PROM1: variants seen among roughly 807,000 people sequenced by gnomAD.
PROM1 encodes the protein prominin 1.
PROM1 carries 105 observed loss-of-function variants against 116.9 expected under a neutral mutation model. That is an observed-to-expected ratio of 0.90 (90% CI 0.77 to 1.06). PROM1 has a LOEUF of 1.06. PROM1 is among the 50% of genes least tolerant of loss of function. The pLI is 0.00. For synonymous variants in PROM1, 393 were observed against 387.0 expected, an observed-to-expected ratio of 1.02 and a Z score of -0.18; for missense variants, 1,122 against 1,045.2, an observed-to-expected ratio of 1.07 and a Z score of -1.01.
chr4:16,078,971 C>T (rs1001700817), intron 1 of PROM1, among the ~76,000 whole-genome samples: 7 of 152,300 alleles, frequency 4.6e-5, no homozygotes, highest in South Asian at 2.1e-4. Flanking sequence ...CTCAGGCCCA[C>T]GCTTCAGGTT....
intron 6 of PROM1, 98 bp from the exon 7 acceptor site, chr4:16,024,456 G>A (rs1730724794): frequency 2.1e-6 from 2 of 974,050 alleles, no homozygotes; most frequent in Admixed American, 3.0e-5. Flanking sequence ...CCTGAATCAG[G>A]ACATTTTCAG....
intron 2 of PROM1, among the ~76,000 whole-genome samples, chr4:16,052,917 G>C (rs1289675973): frequency 1.3e-5 from 2 of 152,206 alleles, no homozygotes; most frequent in African/African-American, 4.8e-5. Context: ...CCAGTAATGA[G>C]ACAAATTGAC....
chr4:16,043,390 C>T (rs1735782959), intron 2 of PROM1, among the ~76,000 whole-genome samples: 2 of 152,226 alleles, frequency 1.3e-5, no homozygotes, highest in African/African-American at 4.8e-5. Flanking sequence ...GCCATCATAG[C>T]TCACTGCAGC....
At chr4:16,013,924 A>G (rs891992138) in intron 10 of PROM1, among the ~76,000 whole-genome samples, 1 of 137,854 alleles carries the variant, frequency 7.3e-6, no homozygotes, top group Non-Finnish European at 1.5e-5. Context: ...ATTAAAAATA[A>G]AATTAGAAAT....
intron 23 of PROM1, among the ~76,000 whole-genome samples, chr4:15,982,744 A>G (rs1718291562): frequency 6.6e-6 from 1 of 152,154 alleles, no homozygotes; most frequent in Non-Finnish European, 1.5e-5. Flanking sequence ...GGACTCCCCT[A>G]ATGAAGGCTT....
At position 16,058,039 on chromosome 4, in the gene PROM1, A is replaced by G. The variant is rs149749754; in HGVS notation, c.220+17648T>C. 8.8e-3 allele frequency among the ~76,000 whole-genome samples: 1,337 copies of G among 152,334 alleles called. 8 individuals carry two copies. The highest frequency in any genetic ancestry group is 0.014 in the Non-Finnish European group (968 of 68,030). ...GTCCAGGCCAATTGTTCAGGAAAAA[A>G]AGACTAGAAAGAAGGTTTTTTTCCA... On this transcript the variant is annotated intron_variant, in intron 2 of 27. Transcript: ENST00000447510.
intron 10 of PROM1, among the ~76,000 whole-genome samples, chr4:16,014,486 A>C (rs1727778839): frequency 6.6e-6 from 1 of 152,230 alleles, no homozygotes; most frequent in Non-Finnish European, 1.5e-5. Context: ...AATTTGGAAT[A>C]ACTTGTTTAA....
intron 26 of PROM1, among the ~76,000 whole-genome samples, chr4:15,973,393 G>A (rs1715164654): frequency 6.6e-6 from 1 of 152,178 alleles, no homozygotes; most frequent in African/African-American, 2.4e-5. Context: ...GTTGCAGTGA[G>A]CTGAGATCAC....
rs567970512 is a variant in PROM1, at chr4:16,066,060, A to G, written c.220+9627T>C. Among the ~76,000 whole-genome samples the G allele has an allele frequency of 9.9e-5, 15 of 152,260 alleles. No homozygotes were observed. In the East Asian group the frequency reaches 2.9e-3, roughly 29 times the overall value. ...CCATCAGAAGCTAGAAGAGGCAAGG[A>G]AGATTGTCCTCCAGAGCCTTCAGAT... On this transcript the variant is annotated intron_variant, in intron 2 of 27. Coordinates refer to ENST00000447510, the MANE Select transcript of PROM1 (RefSeq NM_006017.3).
In PROM1 at chr4:16,056,182, A is replaced by G. The variant is rs540369101; in HGVS notation, c.221-17181T>C. Among the ~76,000 whole-genome samples the G allele has an allele frequency of 3.9e-5, 6 of 152,254 alleles. No homozygotes were observed. In the East Asian group the frequency reaches 1.2e-3, roughly 29 times the overall value. On this transcript the variant is annotated intron_variant, in intron 2 of 27. Transcript: ENST00000447510. ...AGAGAGTCCAGCTGGCACAGTCGCA[A>G]TTGTTTCTAGGAGCAGTCGGCCGCT... is the stretch of plus-strand genomic sequence containing the variant.
intron 5 of PROM1, among the ~76,000 whole-genome samples, 154 bp from the exon 6 acceptor site, chr4:16,025,466 G>A (rs541672947): frequency 2.6e-5 from 4 of 152,130 alleles, no homozygotes; most frequent in Admixed American, 1.3e-4. Context: ...CCTTCCCACC[G>A]CCATCCCACA....
intron 2 of PROM1, among the ~76,000 whole-genome samples, chr4:16,068,876 C>T (rs535674717): frequency 3.9e-5 from 6 of 152,124 alleles, no homozygotes; most frequent in East Asian, 1.9e-4. Context: ...CCAAATCCCA[C>T]GAGCAAATCA....
intron 7 of PROM1, among the ~76,000 whole-genome samples, chr4:16,023,708 C>G (rs1188968569): frequency 6.6e-6 from 1 of 152,164 alleles, no homozygotes; most frequent in Non-Finnish European, 1.5e-5. Context: ...GAGTTCGCAC[C>G]TGGACTGCAC....
At chr4:15,975,639 G>A (rs1715914687) in intron 26 of PROM1, among the ~76,000 whole-genome samples, 2 of 152,164 alleles carry the variant, frequency 1.3e-5, no homozygotes, top group African/African-American at 4.8e-5. Context: ...TCAGACCCCT[G>A]GGACCTCTAG....
intron 2 of PROM1, among the ~76,000 whole-genome samples, chr4:16,059,502 G>C (rs957875254): frequency 3.9e-5 from 6 of 152,136 alleles, no homozygotes; most frequent in Non-Finnish European, 8.8e-5. Context: ...CCAGGAGTTC[G>C]AGACCAGCCT....
intron 4 of PROM1, among the ~76,000 whole-genome samples, chr4:16,034,995 C>G (rs1733641147): frequency 6.6e-6 from 1 of 152,214 alleles, no homozygotes; most frequent in African/African-American, 2.4e-5. Context: ...AGCAAATGCT[C>G]AAGACTAGTA....
intron 9 of PROM1, 23 bp downstream of exon 9, chr4:16,018,300 A>G (rs1728918268): frequency 1.2e-6 from 2 of 1,607,724 alleles, no homozygotes; most frequent in Non-Finnish European, 8.5e-7. Flanking sequence ...GCCCTTGACC[A>G]TGGCAAGCTC....
In PROM1 at chr4:16,018,324, T is replaced by C; in HGVS notation, c.1001A>G (p.Gln334Arg). 1 of 1,612,738 alleles carries C rather than the reference T, an allele frequency of 6.2e-7. No homozygotes were observed. The highest frequency in any genetic ancestry group is 1.9e-4 in the Middle Eastern group (1 of 5,160). ...SQLNSNPELR[Q>R]LPPVDAELDN... ...CATGGCAAGCTCATGCCTGCTCACC[T>C]GCCTCAGTTCAGGGTTGCTATTCAG... Residue 334 changes from glutamine (Q) to arginine (R), a missense_variant and splice_region_variant, in exon 9 of 28, where the codon CAG (glutamine) becomes CGG (arginine). Coordinates refer to ENST00000447510, the MANE Select transcript of PROM1 (RefSeq NM_006017.3).
In PROM1 at chr4:16,025,401, G is replaced by T. The variant is rs1024512057; in HGVS notation, c.510-89C>A. 2.6e-6 allele frequency: 4 copies of T among 1,510,276 alleles called. No individual in the cohort carries two copies. In the African/African-American group the frequency reaches 5.5e-5, roughly 21 times the overall value. The allele number at this position is 1,510,276 out of a possible 1,614,324, so 93.6% of individuals were successfully genotyped here. A position where few individuals can be genotyped will look rare whatever the true frequency, so the allele number is the denominator to read the frequency against. On this transcript the variant is annotated intron_variant, in intron 5 of 27. Transcript: ENST00000447510. Reference sequence around the variant, plus strand: ...TCCAGGCAGCAGAGCAGGAGTCAGGGAGGAGCCCGCAGAAGGACTGGCCTT... The same window carrying T: ...TCCAGGCAGCAGAGCAGGAGTCAGGTAGGAGCCCGCAGAAGGACTGGCCTT...
Sources: allele counts gnomAD v4.1 joint callset (sites outside exome capture counted in the v4.1 genomes callset), GRCh38; gene constraint gnomAD v4.1.1; transcripts MANE v1.5; gene names NCBI Gene and HGNC (gene_info 2026-07-23, HGNC 2026-07-21).